ST8SIA2: variants seen among roughly 807,000 people sequenced by gnomAD.
ST8SIA2 encodes the protein alpha-2,8-sialyltransferase 8B.
Under a neutral mutation model 37.6 loss-of-function variants are expected in ST8SIA2, and 22 were observed. That is an observed-to-expected ratio of 0.58 (90% CI 0.42 to 0.83). The LOEUF (loss-of-function observed/expected upper bound fraction) is 0.83. Among genes scored for constraint, ST8SIA2 ranks in the 40% least tolerant of loss-of-function variants. The probability of loss-of-function intolerance (pLI) is 0.00; values close to 1 mark genes in which losing one functional copy is unlikely to be tolerated. For synonymous variants in ST8SIA2, 205 were observed against 201.2 expected, an observed-to-expected ratio of 1.02 and a Z score of -0.16; for missense variants, 382 against 484.7, an observed-to-expected ratio of 0.79 and a Z score of 1.99.
intron 1 of ST8SIA2, among the ~76,000 whole-genome samples, chr15:92,429,824 T>C (rs2049701939): frequency 6.6e-6 from 1 of 152,158 alleles, no homozygotes; most frequent in Non-Finnish European, 1.5e-5. Flanking sequence ...ATTGGAACAA[T>C]ATTCAAGTGG....
chr15:92,438,269 G>A, intron 3 of ST8SIA2, 84 bp from the exon 4 acceptor site: 2 of 1,605,404 alleles, frequency 1.2e-6, no homozygotes, highest in Middle Eastern at 3.3e-4. Flanking sequence ...CACCGTGCAG[G>A]GCGACCCTGG....
At chr15:92,397,529 C>G (rs1036475866) in intron 1 of ST8SIA2, among the ~76,000 whole-genome samples, 2 of 152,194 alleles carry the variant, frequency 1.3e-5, no homozygotes, top group African/African-American at 4.8e-5. Flanking sequence ...TGCCTGGTAG[C>G]CAAGGAGTGA....
At chr15:92,459,361 T>G (rs1234405431) in intron 5 of ST8SIA2, among the ~76,000 whole-genome samples, 1 of 152,164 alleles carries the variant, frequency 6.6e-6, no homozygotes, top group Non-Finnish European at 1.5e-5. Flanking sequence ...ATTCCCAGCC[T>G]GGGGAGTTGC....
rs762341121 is a variant in ST8SIA2, at chr15:92,464,262, C to T, written c.1005C>T (p.Leu335=). 3 of 1,613,994 alleles carry T rather than the reference C, an allele frequency of 1.9e-6. No individual in the cohort carries two copies. The highest frequency in any genetic ancestry group is 2.5e-6 in the Non-Finnish European group (3 of 1,180,014). Reference sequence around the variant, plus strand: ...TCAAGTACCACTATTATGACAGCCTCAAGTATGGCTACACCTCCCAGGCCA... The same window carrying T: ...TCAAGTACCACTATTATGACAGCCTTAAGTATGGCTACACCTCCCAGGCCA... The part of the protein sequence containing the change: ...NPVKYHYYDS[L]KYGYTSQASP... Residue 335 remains leucine (L), a synonymous_variant, in exon 6 of 6, where the codon CTC becomes CTT. Transcript: ENST00000268164.
At chr15:92,421,080 T>C (rs576278812) in intron 1 of ST8SIA2, 1 of 152,332 alleles carries the variant, frequency 6.6e-6, no homozygotes, top group East Asian at 1.9e-4. Flanking sequence ...CTGCTTGCTG[T>C]CTGTGATGTT....
chr15:92,414,455 A>G (rs2049572320), intron 1 of ST8SIA2, among the ~76,000 whole-genome samples: 1 of 151,690 alleles, frequency 6.6e-6, no homozygotes, highest in Non-Finnish European at 1.5e-5. Context: ...CTTTGCACCT[A>G]CTCCCCAATT....
chr15:92,410,762 C>T (rs1198936352), intron 1 of ST8SIA2, among the ~76,000 whole-genome samples: 3 of 152,274 alleles, frequency 2.0e-5, no homozygotes, highest in East Asian at 3.9e-4. Context: ...ATAACAATAG[C>T]GTGCTCATAG....
chr15:92,421,216 T>C (rs1375222799), intron 1 of ST8SIA2: 2 of 152,316 alleles, frequency 1.3e-5, no homozygotes, highest in East Asian at 1.9e-4. Flanking sequence ...GGGCCGGCAG[T>C]GCAGGAGTTC....
intron 5 of ST8SIA2, among the ~76,000 whole-genome samples, chr15:92,450,480 G>C (rs1307785514): frequency 6.6e-6 from 1 of 152,190 alleles, no homozygotes; most frequent in Non-Finnish European, 1.5e-5. Flanking sequence ...CAGTTCTGCA[G>C]GCTCGCCAGG....
intron 1 of ST8SIA2, among the ~76,000 whole-genome samples, chr15:92,427,540 C>T (rs999602945): frequency 1.1e-4 from 16 of 152,182 alleles, no homozygotes; most frequent in African/African-American, 3.6e-4. Context: ...TTAAATCTGT[C>T]GACATTTTTT....
chr15:92,397,640 A>G (rs1197578827), intron 1 of ST8SIA2, among the ~76,000 whole-genome samples: 1 of 152,212 alleles, frequency 6.6e-6, no homozygotes, highest in Non-Finnish European at 1.5e-5. Flanking sequence ...ACCAAGTTGT[A>G]AGCTAAAATC....
chr15:92,394,510 G>A (rs534943716), intron 1 of ST8SIA2, among the ~76,000 whole-genome samples: 1 of 152,194 alleles, frequency 6.6e-6, no homozygotes, highest in African/African-American at 2.4e-5. Flanking sequence ...TCGGGCGGGC[G>A]GAGGGGCCGA....
intron 1 of ST8SIA2, among the ~76,000 whole-genome samples, chr15:92,402,693 T>C (rs1201934881): frequency 6.6e-6 from 1 of 152,110 alleles, no homozygotes; most frequent in Non-Finnish European, 1.5e-5. Context: ...AATTTAGGGT[T>C]GCCAGTTCCA....
At chr15:92,436,315 C>T (rs2049758308) in intron 3 of ST8SIA2, among the ~76,000 whole-genome samples, 1 of 152,076 alleles carries the variant, frequency 6.6e-6, no homozygotes, top group South Asian at 2.1e-4. Context: ...ATGTCCCTTT[C>T]TCCAACCATT....
At chr15:92,396,132 C>T (rs905394511) in intron 1 of ST8SIA2, among the ~76,000 whole-genome samples, 1 of 152,208 alleles carries the variant, frequency 6.6e-6, no homozygotes, top group South Asian at 2.1e-4. Context: ...AACGGTCAAA[C>T]AAGTACGATG....
At chr15:92,416,400 G>A (rs920818862) in intron 1 of ST8SIA2, among the ~76,000 whole-genome samples, 2 of 152,010 alleles carry the variant, frequency 1.3e-5, no homozygotes, top group African/African-American at 4.8e-5. Context: ...GACTGGAGCC[G>A]GGAGTGAGGT....
chr15:92,444,960 C>T lies in ST8SIA2; in HGVS notation c.842+31C>T, dbSNP rs916880517. ...CGGCCTCCCTACAGGCCAGTAGGAC[C>T]GTCACTAAGTGTGGGAGATTCTTGG... On this transcript the variant is annotated intron_variant, in intron 5 of 5. Transcript: ENST00000268164. 2.7e-5 allele frequency: 43 copies of T among 1,603,822 alleles called. No individual in the cohort carries two copies. The East Asian group carries it at 3.8e-4, about 14-fold the overall frequency.
chr15:92,443,129 A>C (rs2049815027), intron 4 of ST8SIA2, among the ~76,000 whole-genome samples: 1 of 152,198 alleles, frequency 6.6e-6, no homozygotes, highest in South Asian at 2.1e-4. Context: ...TAAAGGGAGG[A>C]TAAATGGTAC....
intron 1 of ST8SIA2, among the ~76,000 whole-genome samples, chr15:92,413,908 T>C (rs922796756): frequency 3.9e-5 from 6 of 152,218 alleles, no homozygotes; most frequent in Admixed American, 2.6e-4. Context: ...CCTTCAGCCA[T>C]TGCCCTCAGG....
Sources: allele counts gnomAD v4.1 joint callset (sites outside exome capture counted in the v4.1 genomes callset), GRCh38; gene constraint gnomAD v4.1.1; transcripts MANE v1.5; gene names NCBI Gene and HGNC (gene_info 2026-07-23, HGNC 2026-07-21).